ADAMTS2: variants seen among roughly 807,000 people sequenced by gnomAD.
ADAMTS2 encodes the protein A disintegrin and metalloproteinase with thrombospondin motifs 2.
Under a neutral mutation model 123.0 loss-of-function variants are expected in ADAMTS2, and 50 were observed. That is an observed-to-expected ratio of 0.41 (90% CI 0.32 to 0.51). The LOEUF is 0.51. Ranked by LOEUF, ADAMTS2 falls within the 20% of genes least tolerant of loss-of-function variation. The pLI is 0.35. For synonymous variants in ADAMTS2, 678 were observed against 695.4 expected (o/e 0.98, Z 0.39); for missense variants, 1,494 against 1,705.2 (o/e 0.88, Z 2.18).
chr5:179,232,105 C>T (rs986646541), intron 3 of ADAMTS2, among the ~76,000 whole-genome samples: 1 of 152,092 alleles, frequency 6.6e-6, no homozygotes, highest in African/African-American at 2.4e-5. Context: ...AAAGTAAAAT[C>T]GATGCTCCAG....
chr5:179,122,220 G>C (rs1029278819), intron 20 of ADAMTS2, among the ~76,000 whole-genome samples: 1 of 152,202 alleles, frequency 6.6e-6, no homozygotes, highest in Non-Finnish European at 1.5e-5. Context: ...GTCTTGAACT[G>C]TGTGGAGACC....
At chr5:179,245,521 C>T (rs1203816397) in intron 3 of ADAMTS2, among the ~76,000 whole-genome samples, 2 of 151,708 alleles carry the variant, frequency 1.3e-5, no homozygotes, top group Non-Finnish European at 2.9e-5. Context: ...AATCCCAGCA[C>T]TTTGGGAGGC....
At chr5:179,167,272 C>T (rs996475202) in intron 5 of ADAMTS2, among the ~76,000 whole-genome samples, 5 of 151,984 alleles carry the variant, frequency 3.3e-5, no homozygotes, top group Admixed American at 2.6e-4. Flanking sequence ...CGGGCCCGAG[C>T]GGCCACCAGG....
At chr5:179,124,217 G>A (rs1363496678) in intron 19 of ADAMTS2, among the ~76,000 whole-genome samples, 2 of 152,134 alleles carry the variant, frequency 1.3e-5, no homozygotes, top group South Asian at 2.1e-4. Context: ...TGGTCTTGGG[G>A]AGCCCCTGAC....
intron 3 of ADAMTS2, among the ~76,000 whole-genome samples, chr5:179,247,909 AG>A (rs1658021011): frequency 6.6e-6 from 1 of 152,206 alleles, no homozygotes; most frequent in Admixed American, 6.5e-5. Context: ...AAAGGACAGA[AG>A]ACAGTAACTC....
intron 5 of ADAMTS2, among the ~76,000 whole-genome samples, chr5:179,176,122 A>C (rs539679797): frequency 1.2e-3 from 183 of 152,224 alleles, no homozygotes; most frequent in Non-Finnish European, 2.4e-3. Context: ...TTCGCTGTGC[A>C]GAACACTTTT....
At chr5:179,309,318 C>T (rs780332526) in intron 2 of ADAMTS2, among the ~76,000 whole-genome samples, 3 of 152,178 alleles carry the variant, frequency 2.0e-5, no homozygotes, top group Non-Finnish European at 4.4e-5. Context: ...GCCACCTCTT[C>T]GGGACCCAGG....
intron 9 of ADAMTS2, among the ~76,000 whole-genome samples, 199 bp from the exon 10 acceptor site, chr5:179,152,454 G>T (rs1016177369): frequency 2.6e-5 from 4 of 152,184 alleles, no homozygotes; most frequent in Admixed American, 1.3e-4. Context: ...ATCCCTGGAC[G>T]CGGCTGGGCC....
At chr5:179,119,813 C>A (rs920269660) in intron 21 of ADAMTS2, among the ~76,000 whole-genome samples, 2 of 152,218 alleles carry the variant, frequency 1.3e-5, no homozygotes, top group African/African-American at 4.8e-5. Context: ...ATTCCCACTC[C>A]ACAGGCTCTG....
At chr5:179,226,271 T>C (rs1765282611) in intron 3 of ADAMTS2, among the ~76,000 whole-genome samples, 1 of 139,500 alleles carries the variant, frequency 7.2e-6, no homozygotes, top group Admixed American at 7.8e-5. Context: ...CTTCTTTCCT[T>C]CTTTCTTTTT....
chr5:179,146,664 C>T (rs1057247544), intron 10 of ADAMTS2, among the ~76,000 whole-genome samples: 1 of 152,186 alleles, frequency 6.6e-6, no homozygotes, highest in Non-Finnish European at 1.5e-5. Flanking sequence ...ATATGTGTCT[C>T]TTCCTCCTAA....
intron 4 of ADAMTS2, among the ~76,000 whole-genome samples, chr5:179,205,594 G>T (rs936042288): frequency 2.0e-5 from 3 of 152,162 alleles, no homozygotes; most frequent in Admixed American, 2.0e-4. Context: ...CATAATGCTA[G>T]GGGAAGAACT....
rs146587631 is a variant in ADAMTS2, at chr5:179,231,183, A to C, written c.689-23468T>G. ...ACGGCACTCGTCCACTCACATGAGG[A>C]TCTGTAATCAAACGCATGAAAGCAG... On this transcript the variant is annotated intron_variant, in intron 3 of 21. Coordinates refer to ENST00000251582, the MANE Select transcript of ADAMTS2 (RefSeq NM_014244.5). Among the ~76,000 whole-genome samples, 378 of 152,294 alleles carry C rather than the reference A, an allele frequency of 2.5e-3. 3 individuals carry two copies. Among genetic ancestry groups the C allele is most frequent in the African/African-American group, 8.7e-3 (360 of 41,550 alleles).
intron 2 of ADAMTS2, among the ~76,000 whole-genome samples, chr5:179,305,858 A>G (rs1756657999): frequency 6.6e-6 from 1 of 152,222 alleles, no homozygotes; most frequent in African/African-American, 2.4e-5. Flanking sequence ...AATTCTATGC[A>G]TATAAATCCA....
At chr5:179,186,883 C>T (rs949949951) in intron 4 of ADAMTS2, among the ~76,000 whole-genome samples, 3 of 143,380 alleles carry the variant, frequency 2.1e-5, no homozygotes, top group African/African-American at 5.1e-5. Context: ...GATCACCAAG[C>T]GGAATAGATC....
chr5:179,277,395 C>T (rs1272565520), intron 2 of ADAMTS2, among the ~76,000 whole-genome samples: 25 of 29,822 alleles, frequency 8.4e-4, no homozygotes, highest in Non-Finnish European at 1.2e-3. Context: ...ACCCCCCCCC[C>T]GAGACCAAAG....
intron 2 of ADAMTS2, among the ~76,000 whole-genome samples, chr5:179,341,914 C>T (rs1208634504): frequency 1.3e-5 from 2 of 152,170 alleles, no homozygotes; most frequent in African/African-American, 4.8e-5. Flanking sequence ...GGTACCTCTG[C>T]ACACGCTCCT....
At position 179,304,659 on chromosome 5, in the gene ADAMTS2, C is replaced by T. The variant is rs11957771; in HGVS notation, c.535-31595G>A. On this transcript the variant is annotated intron_variant, in intron 2 of 21. Coordinates refer to ENST00000251582, the MANE Select transcript of ADAMTS2 (RefSeq NM_014244.5). ...AGCAATAGAAGTTACCCAATTCAAA[C>T]TGCAGCGAGTAAAAATATTTTATAA... 4.4e-3 allele frequency among the ~76,000 whole-genome samples: 670 copies of T among 152,288 alleles called. 7 individuals carry two copies. Among genetic ancestry groups the T allele is most frequent in the African/African-American group, 0.015 (643 of 41,556 alleles).
chr5:179,345,289 G>A lies in ADAMTS2; in HGVS notation c.40C>T (p.Pro14Ser), dbSNP rs918053466. 9 of 1,141,920 alleles carry A rather than the reference G, an allele frequency of 7.9e-6. No individual in the cohort carries two copies. The highest frequency in any genetic ancestry group is 5.0e-5 in the African/African-American group (3 of 60,430). 70.7% of individuals were successfully genotyped at this position (1,141,920 alleles called of 1,614,324 possible). A position where few individuals can be genotyped will look rare whatever the true frequency, so the allele number is the denominator to read the frequency against. ...AGCAGCAGCAGCAGCAGCAGCGCGGGGCAGAGCAGGCGGCGAGCGGCTCCC... is the reference window on the plus strand; with the variant it reads ...AGCAGCAGCAGCAGCAGCAGCGCGGAGCAGAGCAGGCGGCGAGCGGCTCCC... ...PAGAARRLLCPALLLLLLLLP... is the reference protein window; with the variant it reads ...PAGAARRLLCSALLLLLLLLP... Residue 14 changes from proline (P) to serine (S), a missense_variant, in exon 1 of 22, where the codon CCC becomes TCC. Transcript: ENST00000251582. The surrounding 1 kb of genome is among the most constrained non-coding windows in gnomAD (Gnocchi z 7.5).
Sources: gnomAD v4.1 joint callset for allele counts (sites outside exome capture counted in the v4.1 genomes callset) on GRCh38, gnomAD v4.1.1 for gene constraint, Gnocchi (gnomAD v3.1) non-coding constraint, MANE v1.5 for transcripts, NCBI Gene and HGNC (gene_info 2026-07-23, HGNC 2026-07-21) for gene names.